The following ARHGAP22 variants were observed in gnomAD, a reference collection of about 807,000 sequenced individuals.
The protein encoded by ARHGAP22 is rho GTPase-activating protein 22.
Under a neutral mutation model 59.1 loss-of-function variants are expected in ARHGAP22, and 48 were observed. That is an observed-to-expected ratio of 0.81 (90% CI 0.64 to 1.03). The LOEUF (loss-of-function observed/expected upper bound fraction) is 1.03. ARHGAP22 is among the 50% of genes least tolerant of loss of function. ARHGAP22 has a pLI of 0.00. For synonymous variants in ARHGAP22, 445 were observed against 416.4 expected, an observed-to-expected ratio of 1.07 and a Z score of -0.84; for missense variants, 1,015 against 958.7, an observed-to-expected ratio of 1.06 and a Z score of -0.78.
intron 3 of ARHGAP22, among the ~76,000 whole-genome samples, chr10:48,499,547 G>A (rs1361606053): frequency 6.6e-6 from 1 of 152,360 alleles, no homozygotes; most frequent in Middle Eastern, 3.4e-3. Flanking sequence ...AGCCAGGAAC[G>A]ATACAGGCAC....
intron 8 of ARHGAP22, among the ~76,000 whole-genome samples, chr10:48,452,637 G>A (rs967838265): frequency 1.3e-5 from 2 of 152,360 alleles, no homozygotes; most frequent in African/African-American, 4.8e-5. Context: ...AGTGTTCCAT[G>A]GGCCCTATGA....
the ARHGAP22 span, chr10:48,431,265 C>G: frequency 6.2e-7 from 1 of 1,609,404 alleles, no homozygotes; most frequent in South Asian, 1.1e-5. Flanking sequence ...CAGCCCTCTC[C>G]TTTAGGTTGG....
At chr10:48,512,167 C>A (rs1302113304) in intron 3 of ARHGAP22, among the ~76,000 whole-genome samples, 1 of 152,270 alleles carries the variant, frequency 6.6e-6, no homozygotes, top group Non-Finnish European at 1.5e-5. Context: ...CCTTTTGTTG[C>A]CAGTTTCATT....
chr10:48,431,353 C>T, the ARHGAP22 span: 2 of 848,944 alleles, frequency 2.4e-6, no homozygotes, highest in East Asian at 5.1e-5. Flanking sequence ...TGCAGTTCTT[C>T]CCATATTTAC....
intron 3 of ARHGAP22, among the ~76,000 whole-genome samples, chr10:48,503,460 GA>G (rs1260350355): frequency 6.6e-6 from 1 of 152,170 alleles, no homozygotes; most frequent in Non-Finnish European, 1.5e-5. Flanking sequence ...TGGTATAAAC[GA>G]TGTCAGTCTC....
chr10:48,576,191 C>CA, intron 2 of ARHGAP22, among the ~76,000 whole-genome samples: 1 of 152,302 alleles, frequency 6.6e-6, no homozygotes, highest in African/African-American at 2.4e-5. Context: ...AGACACATAG[C>CA]ATCCATGGAC....
chr10:48,547,881 A>G (rs1207018304), intron 3 of ARHGAP22, among the ~76,000 whole-genome samples: 1 of 152,194 alleles, frequency 6.6e-6, no homozygotes, highest in Non-Finnish European at 1.5e-5. Context: ...AAATACAGTC[A>G]TGGACCATCT....
chr10:48,541,864 G>A (rs1015758996), intron 3 of ARHGAP22, among the ~76,000 whole-genome samples: 2 of 152,222 alleles, frequency 1.3e-5, no homozygotes, highest in East Asian at 1.9e-4. Flanking sequence ...ACCCTCCAAG[G>A]GTGACATTAC....
chr10:48,493,890 T>A (rs994434651), intron 3 of ARHGAP22, among the ~76,000 whole-genome samples: 1 of 152,240 alleles, frequency 6.6e-6, no homozygotes, highest in Non-Finnish European at 1.5e-5. Flanking sequence ...ACTAGCTTTA[T>A]GCCTCAGGGT....
At chr10:48,583,692 A>G (rs1479355168) in intron 1 of ARHGAP22, among the ~76,000 whole-genome samples, 1 of 152,190 alleles carries the variant, frequency 6.6e-6, no homozygotes, top group African/African-American at 2.4e-5. Context: ...TCCAGAAGGA[A>G]CTGGCCCCAC....
chr10:48,593,388 CA>C (rs2059883050), intron 1 of ARHGAP22, among the ~76,000 whole-genome samples: 1 of 152,214 alleles, frequency 6.6e-6, no homozygotes, highest in African/African-American at 2.4e-5. Flanking sequence ...TGGATGTTCC[CA>C]GACCCCTGAG....
chr10:48,550,223 C>T (rs1203657878), intron 3 of ARHGAP22, among the ~76,000 whole-genome samples: 1 of 152,208 alleles, frequency 6.6e-6, no homozygotes, highest in Non-Finnish European at 1.5e-5. Context: ...ATTAGGGTCC[C>T]CTCCTCCAGG....
At position 48,459,827 on chromosome 10, in the gene ARHGAP22, C is replaced by T. The variant is rs775636662; in HGVS notation, c.516G>A (p.Ala172=). Reference sequence around the variant, plus strand: ...CCACACACTGCTCCACCAGCAGGGGCGCCAGGCGGGGGCCATACTTCCGCT... The same window carrying T: ...CCACACACTGCTCCACCAGCAGGGGTGCCAGGCGGGGGCCATACTTCCGCT... ...HHERKYGPRL[A]PLLVEQCVDF... The change falls in exon 5 of 10, where the codon GCG becomes GCA. Residue 172 remains alanine (A), a synonymous_variant. Coordinates refer to ENST00000249601, the MANE Select transcript of ARHGAP22 (RefSeq NM_021226.4). The T allele has an allele frequency of 4.3e-5, 70 of 1,613,442 alleles. No homozygotes were observed. Among genetic ancestry groups the T allele is most frequent in the South Asian group, 5.5e-5 (5 of 91,086 alleles).
chr10:48,485,249 T>C (rs2049739617), intron 3 of ARHGAP22, among the ~76,000 whole-genome samples: 1 of 152,212 alleles, frequency 6.6e-6, no homozygotes, highest in African/African-American at 2.4e-5. Context: ...TTCAGTGCTA[T>C]AATTGTCCCT....
At chr10:48,582,808 A>G (rs2059196981) in intron 2 of ARHGAP22, 145 bp downstream of exon 2, 1 of 910,930 alleles carries the variant, frequency 1.1e-6, no homozygotes, top group Non-Finnish European at 1.6e-6. Context: ...GGGGATAAGA[A>G]TGAAAATTAC....
intron 1 of ARHGAP22, among the ~76,000 whole-genome samples, chr10:48,586,710 C>T (rs548620154): frequency 1.2e-4 from 19 of 152,304 alleles, no homozygotes; most frequent in South Asian, 8.3e-4. Context: ...TAAAATGGCA[C>T]GTAGTTATTG....
intron 3 of ARHGAP22, among the ~76,000 whole-genome samples, chr10:48,522,063 C>G (rs181862000): frequency 3.8e-4 from 58 of 152,370 alleles, no homozygotes; most frequent in African/African-American, 1.3e-3. Context: ...GTTAAATGAG[C>G]CTGCAGCATT....
At chr10:48,648,128 C>T (rs2062390512) in intron 1 of ARHGAP22, among the ~76,000 whole-genome samples, 1 of 152,122 alleles carries the variant, frequency 6.6e-6, no homozygotes, top group Non-Finnish European at 1.5e-5. Context: ...TTTTACAACT[C>T]CATGAATGTA....
upstream of ARHGAP22, among the ~76,000 whole-genome samples, chr10:48,605,559 A>C (rs1360080567): frequency 1.3e-5 from 2 of 152,148 alleles, no homozygotes; most frequent in Non-Finnish European, 2.9e-5. Context: ...TCATAGGAAG[A>C]TCTGAATTGA....
Sources: gnomAD v4.1 joint callset for allele counts (sites outside exome capture counted in the v4.1 genomes callset) on GRCh38, gnomAD v4.1.1 for gene constraint, MANE v1.5 for transcripts, NCBI Gene and HGNC (gene_info 2026-07-23, HGNC 2026-07-21) for gene names.